ABCA4: variants seen among roughly 807,000 people sequenced by gnomAD.
The protein encoded by ABCA4 is retinal-specific phospholipid-transporting ATPase ABCA4.
In ABCA4, 196 loss-of-function variants were observed where a neutral mutation model predicts 263.7. The observed-to-expected ratio is 0.74, with a 90% CI of 0.66 to 0.84. The LOEUF (loss-of-function observed/expected upper bound fraction) is 0.84. Ranked by LOEUF, ABCA4 falls within the 40% of genes least tolerant of loss-of-function variation. The pLI, the probability that ABCA4 is intolerant of heterozygous loss-of-function variation, is 0.00. For missense variants in ABCA4, 2,792 were observed against 2,855.1 expected (o/e 0.98, Z 0.50); for synonymous variants, 1,133 against 1,094.2 (o/e 1.04, Z -0.70).
chr1:94,014,843 C>T (rs1241584542), intron 37 of ABCA4, among the ~76,000 whole-genome samples, 153 bp from the exon 38 acceptor site: 1 of 152,224 alleles, frequency 6.6e-6, no homozygotes, highest in Non-Finnish European at 1.5e-5. Flanking sequence ...ATTTGTTGGT[C>T]TCTGTGCCTC....
chr1:94,029,305 G>C, intron 30 of ABCA4, 140 bp downstream of exon 30: 1 of 835,702 alleles, frequency 1.2e-6, no homozygotes, highest in Non-Finnish European at 1.8e-6. Flanking sequence ...CTCCCAGAGG[G>C]TGCAGGGAGT....
At chr1:94,079,748 G>A (rs1453386112) in intron 8 of ABCA4, among the ~76,000 whole-genome samples, 5 of 152,176 alleles carry the variant, frequency 3.3e-5, no homozygotes, top group Non-Finnish European at 7.3e-5. Context: ...TCTGATTACT[G>A]CTAGGAACTG....
intron 19 of ABCA4, chr1:94,045,714 A>G: frequency 2.2e-6 from 1 of 455,890 alleles, no homozygotes; most frequent in Non-Finnish European, 4.4e-6. Flanking sequence ...AGAGGGAAAC[A>G]GAACCAATTA....
chr1:94,078,526 T>A, intron 10 of ABCA4, 64 bp downstream of exon 10: 2 of 1,213,432 alleles, frequency 1.6e-6, no homozygotes, highest in East Asian at 2.4e-5. Flanking sequence ...AGGAAACAAG[T>A]GGAACTTTCT....
intron 11 of ABCA4, among the ~76,000 whole-genome samples, chr1:94,073,830 T>G (rs544799663): frequency 9.7e-6 from 1 of 103,314 alleles, no homozygotes; most frequent in African/African-American, 3.2e-5. Context: ...GTATTCTTTA[T>G]ATACTTTGCA....
chr1:94,044,624 G>T lies in ABCA4; in HGVS notation c.3039C>A (p.Ile1013=). The change falls in exon 20 of 50, where the codon ATC becomes ATA. Residue 1013 remains isoleucine (I), a synonymous_variant. Coordinates refer to ENST00000370225, the MANE Select transcript of ABCA4 (RefSeq NM_000350.3). ...CCTGTGTCGCTTACTGGTGGAACAG[G>T]ATGTTGTGCTGTGGACACATGCCAA... ...QSLGMCPQHN[I]LFHHLTVAEH... 6.2e-7 allele frequency: 1 copy of T among 1,614,108 alleles called. No individual in the cohort carries two copies. The highest frequency in any genetic ancestry group is 2.2e-5 in the East Asian group (1 of 44,900).
intron 5 of ABCA4, among the ~76,000 whole-genome samples, chr1:94,102,520 C>A (rs1662310349): frequency 6.6e-6 from 1 of 151,934 alleles, no homozygotes; most frequent in African/African-American, 2.4e-5. Context: ...CCCTCTCTAA[C>A]CCTCGACTCT....
chr1:94,104,067 C>A (rs1662355888), intron 4 of ABCA4, among the ~76,000 whole-genome samples: 1 of 152,200 alleles, frequency 6.6e-6, no homozygotes, highest in Non-Finnish European at 1.5e-5. Flanking sequence ...CTCAAAACAG[C>A]ACTCAATAAA....
chr1:94,052,854 CATA>C (rs1660876594), intron 16 of ABCA4, among the ~76,000 whole-genome samples: 1 of 152,082 alleles, frequency 6.6e-6, no homozygotes, highest in South Asian at 2.1e-4. Flanking sequence ...TTTTTTTATT[CATA>C]ATAAGCCCCT....
chr1:94,073,651 C>G (rs919189448), intron 11 of ABCA4, among the ~76,000 whole-genome samples: 7 of 152,088 alleles, frequency 4.6e-5, no homozygotes. Flanking sequence ...GAATTTGAAC[C>G]CAGGCAGTGT....
Position 93,993,132 on chromosome 1 carries a change from C to T in ABCA4, c.*105G>A, listed in dbSNP as rs1042423980. The T allele has an allele frequency of 1.4e-6, 2 of 1,463,504 alleles. No homozygotes were observed. The highest frequency in any genetic ancestry group is 2.8e-5 in the African/African-American group (2 of 71,698). The allele number at this position is 1,463,504 out of a possible 1,614,324, so 90.7% of individuals were successfully genotyped here. A position where few individuals can be genotyped will look rare whatever the true frequency, so the allele number is the denominator to read the frequency against. On this transcript the variant is annotated 3_prime_UTR_variant, in exon 50 of 50. Transcript: ENST00000370225. ...TGTTTGTTTTCTGCTGCAGTGGGGT[C>T]ATTTACGCTGGCCAGTCCATTTGGA...
Position 94,113,063 on chromosome 1 carries a change from G to T in ABCA4, c.70C>A (p.Arg24Ser). 6.2e-7 allele frequency: 1 copy of T among 1,613,954 alleles called. No individual in the cohort carries two copies. Among genetic ancestry groups the T allele is most frequent in the Non-Finnish European group, 8.5e-7 (1 of 1,179,934 alleles). ...GGCCACACGAGTTCCACCACAAAGC[G>T]AATCTGGAAAAACAAAACAAAAAGA... The part of the protein sequence containing the change: ...NWTLRKRQKI[R>S]FVVELVWPLS... The change falls in exon 2 of 50, where the codon CGC becomes AGC. Residue 24 changes from arginine to serine, a missense_variant. Physicochemically the swap from Arg to Ser is moderately radical, Grantham distance 110. Transcript: ENST00000370225.
intron 30 of ABCA4, among the ~76,000 whole-genome samples, chr1:94,026,597 T>A (rs897700933): frequency 6.6e-6 from 1 of 152,212 alleles, no homozygotes; most frequent in African/African-American, 2.4e-5. Flanking sequence ...CCTGGTGGAA[T>A]CCAGGTTGGA....
intron 6 of ABCA4, among the ~76,000 whole-genome samples, chr1:94,098,105 C>T (rs949711218): frequency 1.3e-5 from 2 of 152,218 alleles, no homozygotes; most frequent in African/African-American, 4.8e-5. Context: ...CTGCTCTACA[C>T]CTCCTTTATC....
At chr1:94,120,875 A>ACCCCCCCCCCTTCCCCCCCCCCCCCCC in intron 1 of ABCA4, 105 bp downstream of exon 1, 1 of 758,336 alleles carries the variant, frequency 1.3e-6, no homozygotes, top group South Asian at 1.5e-5. Context: ...ACTGCTCACA[A>ACCCCCCCCCCTTCCCCCCCCCCCCCCC]CCCCCCACCC....
chr1:94,103,239 T>C, intron 4 of ABCA4, 97 bp from the exon 5 acceptor site: 1 of 1,477,360 alleles, frequency 6.8e-7, no homozygotes, highest in Non-Finnish European at 9.4e-7. Context: ...GTAACTCAAC[T>C]CTCAGAGGAA....
At chr1:94,079,271 A>G in intron 9 of ABCA4, 51 bp downstream of exon 9, 4 of 1,609,844 alleles carry the variant, frequency 2.5e-6, no homozygotes, top group African/African-American at 1.3e-5. Context: ...ACACACACAC[A>G]CACTTCTGGG....
At chr1:94,101,053 TC>T (rs1662273549) in intron 5 of ABCA4, among the ~76,000 whole-genome samples, 1 of 152,196 alleles carries the variant, frequency 6.6e-6, no homozygotes, top group African/African-American at 2.4e-5. Flanking sequence ...GAGCATCAGC[TC>T]ATCAGAGCCA....
chr1:94,015,882 A>C, intron 36 of ABCA4, 28 bp from the exon 37 acceptor site: 1 of 1,586,250 alleles, frequency 6.3e-7, no homozygotes, highest in Non-Finnish European at 8.6e-7. Context: ...AGAGCAAGTC[A>C]CTTAACCTCT....
Sources: gnomAD v4.1 joint callset for allele counts (sites outside exome capture counted in the v4.1 genomes callset) on GRCh38, gnomAD v4.1.1 for gene constraint, MANE v1.5 for transcripts, NCBI Gene and HGNC (gene_info 2026-07-23, HGNC 2026-07-21) for gene names.